The following NSUN6 variants were observed in gnomAD, a reference collection of about 807,000 sequenced individuals.
NSUN6 encodes the protein tRNA (cytosine(72)-C(5))-methyltransferase NSUN6.
In NSUN6, 64 loss-of-function variants were observed where a neutral mutation model predicts 58.0. That is an observed-to-expected ratio of 1.10 (90% CI 0.90 to 1.36). NSUN6 has a LOEUF of 1.36. NSUN6 is among the 40% of genes most tolerant of loss of function. NSUN6 has a pLI of 0.00. For missense variants in NSUN6, 701 were observed against 550.1 expected (o/e 1.27, Z -2.74); for synonymous variants, 231 against 193.9 (o/e 1.19, Z -1.59).
chr10:18,582,729 G>A (rs951441707), intron 8 of NSUN6, among the ~76,000 whole-genome samples: 3 of 152,176 alleles, frequency 2.0e-5, no homozygotes, highest in African/African-American at 7.2e-5. Flanking sequence ...ACAAAGAGCA[G>A]GGAAAGAGAC....
chr10:18,579,517 T>C (rs899042696), intron 8 of NSUN6, among the ~76,000 whole-genome samples: 1 of 152,172 alleles, frequency 6.6e-6, no homozygotes, highest in Admixed American at 6.5e-5. Flanking sequence ...TATAGTCCTG[T>C]GTGAATGCAA....
chr10:18,626,763 G>A (rs1459607310), intron 3 of NSUN6, among the ~76,000 whole-genome samples: 7 of 147,996 alleles, frequency 4.7e-5, no homozygotes, highest in South Asian at 2.2e-4. Flanking sequence ...GCAAGACTCC[G>A]TCCTGGGTGG....
At chr10:18,647,842 A>C (rs1330948581) in intron 2 of NSUN6, among the ~76,000 whole-genome samples, 1 of 144,426 alleles carries the variant, frequency 6.9e-6, no homozygotes, top group Non-Finnish European at 1.5e-5. Flanking sequence ...TCAAGGGATT[A>C]CTCGTGCCTC....
chr10:18,623,695 A>T (rs1564816184), intron 3 of NSUN6, among the ~76,000 whole-genome samples: 1 of 152,242 alleles, frequency 6.6e-6, no homozygotes, highest in African/African-American at 2.4e-5. Flanking sequence ...ACTGCCAAAA[A>T]GCAGCCCAGG....
intron 3 of NSUN6, among the ~76,000 whole-genome samples, chr10:18,617,358 G>C (rs1402204485): frequency 6.6e-6 from 1 of 151,718 alleles, no homozygotes; most frequent in Non-Finnish European, 1.5e-5. Context: ...TGGCTAACTT[G>C]TGTATTTTTA....
At chr10:18,658,168 T>G (rs2059798510), upstream of NSUN6, 1 of 152,224 alleles carries the variant, frequency 6.6e-6, no homozygotes, top group African/African-American at 2.4e-5. Flanking sequence ...AAGTTAAGTT[T>G]GCATAGGGTC....
intron 7 of NSUN6, 151 bp from the exon 8 acceptor site, chr10:18,586,244 A>C: frequency 4.8e-6 from 3 of 626,096 alleles, no homozygotes; most frequent in Non-Finnish European, 5.2e-6. Flanking sequence ...CATTAACCAA[A>C]TGTATGTGTC....
intron 8 of NSUN6, among the ~76,000 whole-genome samples, chr10:18,573,934 A>C (rs1261953015): frequency 2.0e-5 from 3 of 152,118 alleles, no homozygotes; most frequent in Non-Finnish European, 4.4e-5. Context: ...TGTTATATCG[A>C]AAATTTGCCC....
At position 18,570,424 on chromosome 10, in the gene NSUN6, C is replaced by A. The variant is rs1055269059; in HGVS notation, c.922+15525G>T. Among the ~76,000 whole-genome samples the A allele has an allele frequency of 2.0e-5, 3 of 151,112 alleles. No homozygotes were observed. The South Asian group carries it at 6.3e-4, about 32-fold the overall frequency. ...ATTCCATTCCCTTCCATTCTCCATTCCATTCTCCATTCCATTCCATTCTCC... is the reference window on the plus strand; with the variant it reads ...ATTCCATTCCCTTCCATTCTCCATTACATTCTCCATTCCATTCCATTCTCC... On this transcript the variant is annotated intron_variant, in intron 8 of 10. Coordinates refer to ENST00000377304, the MANE Select transcript of NSUN6 (RefSeq NM_182543.5).
chr10:18,577,399 T>C (rs754933020), intron 8 of NSUN6, among the ~76,000 whole-genome samples: 4 of 152,146 alleles, frequency 2.6e-5, no homozygotes, highest in Non-Finnish European at 4.4e-5. Context: ...AAAGGAATAA[T>C]AGCCTCAATT....
chr10:18,634,454 G>C (rs1000699876), intron 3 of NSUN6, among the ~76,000 whole-genome samples: 7 of 152,056 alleles, frequency 4.6e-5, no homozygotes, highest in African/African-American at 1.4e-4. Flanking sequence ...CCATGACCAA[G>C]ACAGGCTTAA....
At chr10:18,658,269 G>A (rs1281589661), upstream of NSUN6, 2 of 152,042 alleles carry the variant, frequency 1.3e-5, no homozygotes, top group Non-Finnish European at 2.9e-5. Context: ...AGTCTTAAAG[G>A]GTCTTTAAAC....
chr10:18,551,983 A>G lies in NSUN6; in HGVS notation c.923-12T>C, dbSNP rs1589818230. The G allele has an allele frequency of 1.9e-6, 3 of 1,559,538 alleles. No individual in the cohort carries two copies. The highest frequency in any genetic ancestry group is 4.5e-5 in the East Asian group (2 of 44,372). On this transcript the variant is annotated splice_polypyrimidine_tract_variant and intron_variant, in intron 8 of 10. Coordinates refer to ENST00000377304, the MANE Select transcript of NSUN6 (RefSeq NM_182543.5). ...AAATGGAGGTTCTCCTATAAAGAGAATTATAATCATGTTTACTATCTTCCA... is the reference window on the plus strand; with the variant it reads ...AAATGGAGGTTCTCCTATAAAGAGAGTTATAATCATGTTTACTATCTTCCA...
chr10:18,611,561 ACT>A (rs1397029668), intron 5 of NSUN6, among the ~76,000 whole-genome samples: 1 of 152,050 alleles, frequency 6.6e-6, no homozygotes, highest in Non-Finnish European at 1.5e-5. Flanking sequence ...ACAGGGTCTC[ACT>A]CTGTCACGCA....
At chr10:18,637,660 G>A (rs903997337) in intron 3 of NSUN6, among the ~76,000 whole-genome samples, 2 of 152,166 alleles carry the variant, frequency 1.3e-5, no homozygotes, top group Admixed American at 1.3e-4. Flanking sequence ...GCTTATGCAA[G>A]TCCACAAATA....
intron 7 of NSUN6, among the ~76,000 whole-genome samples, chr10:18,589,575 C>A (rs533246578): frequency 6.6e-6 from 1 of 152,312 alleles, no homozygotes; most frequent in East Asian, 1.9e-4. Context: ...AGAAACCCTA[C>A]AAGCCAAAAT....
At chr10:18,557,112 T>C (rs1013161948) in intron 8 of NSUN6, among the ~76,000 whole-genome samples, 6 of 148,070 alleles carry the variant, frequency 4.1e-5, no homozygotes, top group Non-Finnish European at 7.5e-5. Flanking sequence ...GTGTGCAGAA[T>C]GGAATGGAAA....
At chr10:18,618,408 G>A (rs375991433) in intron 3 of NSUN6, among the ~76,000 whole-genome samples, 6 of 152,094 alleles carry the variant, frequency 3.9e-5, no homozygotes, top group East Asian at 1.9e-4. Context: ...CTGGTCAGGT[G>A]CAGTGGCTCA....
At chr10:18,561,583 G>T (rs1442916822) in intron 8 of NSUN6, among the ~76,000 whole-genome samples, 1 of 132,232 alleles carries the variant, frequency 7.6e-6, no homozygotes, top group Non-Finnish European at 1.6e-5. Flanking sequence ...ATGGAATGGA[G>T]GATGGAATGG....
Sources: allele counts gnomAD v4.1 joint callset (sites outside exome capture counted in the v4.1 genomes callset), GRCh38; gene constraint gnomAD v4.1.1; transcripts MANE v1.5; gene names NCBI Gene and HGNC (gene_info 2026-07-23, HGNC 2026-07-21).